PLXNB1: variants seen among roughly 807,000 people sequenced by gnomAD.
PLXNB1 encodes the protein plexin-B1.
A neutral mutation model predicts 209.4 loss-of-function variants in PLXNB1; 106 were observed. The ratio of observed to expected loss-of-function variants is 0.51; its 90% CI spans 0.43 to 0.59. The LOEUF (loss-of-function observed/expected upper bound fraction) is 0.59. Among genes scored for constraint, PLXNB1 ranks in the 20% least tolerant of loss-of-function variants. The probability of loss-of-function intolerance (pLI) is 0.00; values close to 1 mark genes in which losing one functional copy is unlikely to be tolerated. For missense variants in PLXNB1, 2,357 were observed against 2,853.2 expected (o/e 0.83, Z 3.96); for synonymous variants, 1,167 against 1,183.2 (o/e 0.99, Z 0.28).
Position 48,420,692 on chromosome 3 carries a change from A to AC in PLXNB1, c.2000_2001insG (p.Asp667GlufsTer41). ...GATGGCTTGCAACCATGGGCCCAGC[A>AC]TCACACGAGGCCTTGTGGGTGCACA... On this transcript the variant is annotated frameshift_variant, in exon 10 of 38. Coordinates refer to ENST00000296440, the MANE Select transcript of PLXNB1 (RefSeq NM_001130082.3). LOFTEE classifies it high-confidence loss of function. The AC allele has an allele frequency of 6.2e-7, 1 of 1,613,946 alleles. No homozygotes were observed. The highest frequency in any genetic ancestry group is 8.5e-7 in the Non-Finnish European group (1 of 1,179,978).
chr3:48,411,915 T>C lies in PLXNB1; in HGVS notation c.5195A>G (p.Tyr1732Cys). The change falls in exon 28 of 38, where the codon TAC becomes TGC. Residue 1732 changes from tyrosine (Y) to cysteine (C), a missense_variant. By Grantham distance (194) the Tyr-to-Cys change is radical. This residue lies in a region of PLXNB1 where 65 missense variants were observed against 127.6 expected (regional missense o/e 0.51). Transcript: ENST00000296440. The surrounding 1 kb of genome is among the most constrained non-coding windows in gnomAD (Gnocchi z 4.0). ...PVDSVTGKAK[Y>C]TLNDNRLLRE... ...GAGCAGGCGGTTGTCGTTCAAGGTG[T>C]ATTTGGCCTTGCCTGTCACACTGTC... 6.2e-7 allele frequency: 1 copy of C among 1,614,088 alleles called. No individual in the cohort carries two copies. The highest frequency in any genetic ancestry group is 1.1e-5 in the South Asian group (1 of 91,078).
chr3:48,421,173 G>A lies in PLXNB1; in HGVS notation c.1810+55C>T, dbSNP rs117037155. 653 of 1,570,634 alleles carry A rather than the reference G, an allele frequency of 4.2e-4. 4 individuals carry two copies. The East Asian group carries it at 0.011, about 28-fold the overall frequency. ...CCTGGATTCACACTTTAACCCCACC[G>A]CATCCCCTGAAGCAGGGGCTGGCCC... On this transcript the variant is annotated intron_variant, in intron 8 of 37. Coordinates refer to ENST00000296440, the MANE Select transcript of PLXNB1 (RefSeq NM_001130082.3).
In PLXNB1 at chr3:48,418,505, C is replaced by A. The variant is rs1189643015; in HGVS notation, c.2993G>T (p.Gly998Val). Residue 998 changes from glycine (G) to valine (V), a missense_variant, in exon 14 of 38, where the codon GGG becomes GTG. Coordinates refer to ENST00000296440, the MANE Select transcript of PLXNB1 (RefSeq NM_001130082.3). This position sits in a 1 kb window ranked among gnomAD's most constrained non-coding sequence, Gnocchi z 6.6. The part of the protein sequence containing the change: ...YEALQPELRV[G>V]LFLRRAGRLR... ...ACGGCCGGCCCGACGCAGAAACAGC[C>A]CCACACGGAGCTCCGGCTGCAGAGC... is the stretch of plus-strand genomic sequence containing the variant. 1 of 1,611,128 alleles carries A rather than the reference C, an allele frequency of 6.2e-7. No homozygotes were observed. Among genetic ancestry groups the A allele is most frequent in the Middle Eastern group, 1.7e-4 (1 of 6,056 alleles).
intron 6 of PLXNB1, 32 bp downstream of exon 6, chr3:48,422,073 G>T: frequency 6.4e-7 from 1 of 1,571,140 alleles, no homozygotes; most frequent in Non-Finnish European, 8.8e-7. Context: ...GTGGGCTTGA[G>T]GCTGGGGCTG....
chr3:48,422,618 G>A, intron 4 of PLXNB1, 147 bp downstream of exon 4: 1 of 1,215,032 alleles, frequency 8.2e-7, no homozygotes, highest in South Asian at 1.5e-5. Context: ...GAAAGTCACA[G>A]GTAAACACCA....
rs936418493 is a variant in PLXNB1, at chr3:48,409,148, T to C, written c.6087+181A>G. Among the ~76,000 whole-genome samples the C allele has an allele frequency of 3.9e-5, 6 of 152,186 alleles. No homozygotes were observed. In the South Asian group the frequency reaches 1.0e-3, roughly 26 times the overall value. ...ACTTCACCTGTGAATTGGCACACAG[T>C]GTCCCCTCCTCTTGCTCATCCCTTA... On this transcript the variant is annotated intron_variant, in intron 34 of 37. Transcript: ENST00000296440. This position sits in a 1 kb window ranked among gnomAD's most constrained non-coding sequence, Gnocchi z 5.8.
chr3:48,421,791 A>C lies in PLXNB1; in HGVS notation c.1536T>G (p.Ser512=), dbSNP rs768421823. 120 of 1,600,182 alleles carry C rather than the reference A, an allele frequency of 7.5e-5. No homozygotes were observed. The highest frequency in any genetic ancestry group is 9.9e-5 in the Non-Finnish European group (116 of 1,169,210). ...CTGGGCCCTGGCCCCTCGAGCACTC[A>C]GAACGGCGACTGCACCTGGGCGAGA... ...CVLLGRCSRR[S]ECSRGQGPEQ... The change falls in exon 7 of 38, where the codon TCT becomes TCG. Residue 512 remains serine (S), a synonymous_variant. Transcript: ENST00000296440.
chr3:48,406,143 A>G lies in PLXNB1; in HGVS notation c.6229-345T>C, dbSNP rs1035808245. On this transcript the variant is annotated intron_variant, in intron 36 of 37. Transcript: ENST00000296440. This position sits in a 1 kb window ranked among gnomAD's most constrained non-coding sequence, Gnocchi z 4.4. ...TGCCACCCAGATGACTCCAGAGCCA[A>G]GTGGCACAGATGCCACTTGCAGGCT... 2 of 251,974 alleles carry G rather than the reference A, an allele frequency of 7.9e-6. No individual in the cohort carries two copies. The highest frequency in any genetic ancestry group is 1.6e-5 in the Non-Finnish European group (2 of 127,134). The allele number at this position is 251,974 out of a possible 1,614,324, so 15.6% of individuals were successfully genotyped here.
At position 48,411,332 on chromosome 3, in the gene PLXNB1, G is replaced by A. The variant is rs1262816046; in HGVS notation, c.5248-296C>T. Among the ~76,000 whole-genome samples, 3 of 152,232 alleles carry A rather than the reference G, an allele frequency of 2.0e-5. No individual in the cohort carries two copies. The highest frequency in any genetic ancestry group is 4.8e-5 in the African/African-American group (2 of 41,450). ...GATCCCCAGGTTCCTGGCTGAATGG[G>A]TCAGGCTGACGGAGTTTCGGGAAGC... On this transcript the variant is annotated intron_variant, in intron 28 of 37. Coordinates refer to ENST00000296440, the MANE Select transcript of PLXNB1 (RefSeq NM_001130082.3). The surrounding 1 kb of genome is among the most constrained non-coding windows in gnomAD (Gnocchi z 4.0).
Position 48,414,848 on chromosome 3 carries a change from T to TC in PLXNB1, c.4159dup (p.Asp1387GlyfsTer70). The TC allele has an allele frequency of 6.2e-7, 1 of 1,613,960 alleles. No individual in the cohort carries two copies. ...CTTGTGCCGGAATGGCATGGTGGGG[T>TC]CCTCAGGGTTGAGTGGCTGCAGGGT... On this transcript the variant is annotated frameshift_variant, in exon 21 of 38. Transcript: ENST00000296440. LOFTEE classifies it high-confidence loss of function.
chr3:48,421,422 G>A, intron 7 of PLXNB1, 38 bp from the exon 8 acceptor site: 1 of 1,512,534 alleles, frequency 6.6e-7, no homozygotes, highest in Admixed American at 2.2e-5. Flanking sequence ...TGGGGCTAGT[G>A]GGCAGCAGAC....
At position 48,405,623 on chromosome 3, in the gene PLXNB1, G is replaced by A. The variant is rs902976025; in HGVS notation, c.6303+101C>T. 5 of 917,818 alleles carry A rather than the reference G, an allele frequency of 5.4e-6. No homozygotes were observed. The highest frequency in any genetic ancestry group is 8.5e-6 in the Non-Finnish European group (5 of 585,414). 56.9% of individuals were successfully genotyped at this position (917,818 alleles called of 1,614,324 possible). A position where few individuals can be genotyped will look rare whatever the true frequency, so the allele number is the denominator to read the frequency against. On this transcript the variant is annotated intron_variant, in intron 37 of 37. Coordinates refer to ENST00000296440, the MANE Select transcript of PLXNB1 (RefSeq NM_001130082.3). This position sits in a 1 kb window ranked among gnomAD's most constrained non-coding sequence, Gnocchi z 5.0. ...CGGCCCCCCACTACTCTGTCCCTGG[G>A]GAAGACCAAAGCCCCCAACGTGAGT... is the stretch of plus-strand genomic sequence containing the variant.
In PLXNB1 at chr3:48,411,766, C is replaced by A. The variant is rs1560050323; in HGVS notation, c.5247+97G>T. 1 of 1,384,504 alleles carries A rather than the reference C, an allele frequency of 7.2e-7. No individual in the cohort carries two copies. Among genetic ancestry groups the A allele is most frequent in the Non-Finnish European group, 1.0e-6 (1 of 997,754 alleles). The allele number at this position is 1,384,504 out of a possible 1,614,324, so 85.8% of individuals were successfully genotyped here. On this transcript the variant is annotated intron_variant, in intron 28 of 37. Transcript: ENST00000296440. This position sits in a 1 kb window ranked among gnomAD's most constrained non-coding sequence, Gnocchi z 4.0. ...AACCCAGCTCTACATCCAGGTACCA[C>A]ATCAGAAGCTGGTGTCCAGACCCCA...
rs1359844735 is a variant in PLXNB1, at chr3:48,412,929, C to T, written c.4667G>A (p.Ser1556Asn). Residue 1556 changes from serine (S) to asparagine (N), a missense_variant, in exon 25 of 38, where the codon AGT (serine) becomes AAT (asparagine). Ser to Asn is a conservative substitution (Grantham distance 46, BLOSUM62 1). Transcript: ENST00000296440. ...DLMTEMTDLTSDLLGSGIPFL... is the reference protein window; with the variant it reads ...DLMTEMTDLTNDLLGSGIPFL... ...GGGGATGCCGCTGCCCAGGAGGTCACTGGTGAGATCGGTCATCTCAGTCAT... is the reference window on the plus strand; with the variant it reads ...GGGGATGCCGCTGCCCAGGAGGTCATTGGTGAGATCGGTCATCTCAGTCAT... The T allele has an allele frequency of 6.2e-7, 1 of 1,614,158 alleles. No homozygotes were observed. Among genetic ancestry groups the T allele is most frequent in the Non-Finnish European group, 8.5e-7 (1 of 1,180,022 alleles).
chr3:48,410,172 G>C lies in PLXNB1; in HGVS notation c.5606-95C>G, dbSNP rs1462686750. ...GCTCTCCCAGGGGTGGGGGCACCTG[G>C]TTGAGGGATTTCCTGGGCCGAATGG... On this transcript the variant is annotated intron_variant, in intron 31 of 37. Coordinates refer to ENST00000296440, the MANE Select transcript of PLXNB1 (RefSeq NM_001130082.3). This position sits in a 1 kb window ranked among gnomAD's most constrained non-coding sequence, Gnocchi z 6.4. 1 of 1,475,894 alleles carries C rather than the reference G, an allele frequency of 6.8e-7. No homozygotes were observed. Among genetic ancestry groups the C allele is most frequent in the Non-Finnish European group, 9.1e-7 (1 of 1,093,456 alleles). 91.4% of individuals were successfully genotyped at this position (1,475,894 alleles called of 1,614,324 possible).
chr3:48,410,714 A>T lies in PLXNB1; in HGVS notation c.5416+154T>A. 1.1e-6 allele frequency: 1 copy of T among 942,914 alleles called. No homozygotes were observed. Among genetic ancestry groups the T allele is most frequent in the African/African-American group, 1.6e-5 (1 of 60,936 alleles). The allele number at this position is 942,914 out of a possible 1,614,324, so 58.4% of individuals were successfully genotyped here. On this transcript the variant is annotated intron_variant, in intron 29 of 37. Transcript: ENST00000296440. This position sits in a 1 kb window ranked among gnomAD's most constrained non-coding sequence, Gnocchi z 6.4. ...AGAGCAGGGACCCCCTCCCCAGATG[A>T]GAGGCTGTCCAAGAAAGATGTTCCA...
Position 48,420,023 on chromosome 3 carries a change from G to A in PLXNB1, c.2263C>T (p.Leu755Phe). 2.5e-6 allele frequency: 4 copies of A among 1,607,776 alleles called. No individual in the cohort carries two copies. Among genetic ancestry groups the A allele is most frequent in the Non-Finnish European group, 3.4e-6 (4 of 1,175,912 alleles). ...CTGGGAGGGGAGGGCTCCTCATGGAGAGGCGACCCTGTGGAGCCAGGGGAA... is the reference window on the plus strand; with the variant it reads ...CTGGGAGGGGAGGGCTCCTCATGGAAAGGCGACCCTGTGGAGCCAGGGGAA... Reference protein sequence around the residue: ...ISSPGSTGSPLHEEPSPPSPQ... With the variant: ...ISSPGSTGSPFHEEPSPPSPQ... Residue 755 changes from leucine to phenylalanine, a missense_variant, in exon 11 of 38, where the codon CTC becomes TTC. Around this residue, in one of 7 missense-constraint regions of PLXNB1, gnomAD observed 410 missense variants for 401.0 expected, o/e 1.02. Coordinates refer to ENST00000296440, the MANE Select transcript of PLXNB1 (RefSeq NM_001130082.3).
At position 48,412,295 on chromosome 3, in the gene PLXNB1, A is replaced by G. The variant is rs1345309687; in HGVS notation, c.5043T>C (p.Thr1681=). Residue 1681 remains threonine, a synonymous_variant, in exon 27 of 38, where the codon ACT becomes ACC. Coordinates refer to ENST00000296440, the MANE Select transcript of PLXNB1 (RefSeq NM_001130082.3). ...NPKLMLRRTE[T]VVEKLLTNWM... ...AGTTGGTGAGCAGCTTCTCCACCAC[A>G]GTCTCTGTCCTGAGATGATGGGAAA... is the stretch of plus-strand genomic sequence containing the variant. The G allele has an allele frequency of 4.3e-6, 7 of 1,613,944 alleles. No individual in the cohort carries two copies. Among genetic ancestry groups the G allele is most frequent in the Non-Finnish European group, 5.9e-6 (7 of 1,180,012 alleles).
chr3:48,412,689 C>T (rs770199887), intron 25 of PLXNB1, 53 bp downstream of exon 25: 1 of 1,605,984 alleles, frequency 6.2e-7, no homozygotes, highest in African/African-American at 1.3e-5. Context: ...GAAACCATGC[C>T]CTGGAGAAGG....
Sources: allele counts gnomAD v4.1 joint callset (sites outside exome capture counted in the v4.1 genomes callset), GRCh38; gene constraint gnomAD v4.1.1; regional missense constraint gnomAD v4.1.1; non-coding constraint Gnocchi (gnomAD v3.1); transcripts MANE v1.5; gene names NCBI Gene and HGNC (gene_info 2026-07-23, HGNC 2026-07-21).